PKP3: variants seen among roughly 807,000 people sequenced by gnomAD.
The protein encoded by PKP3 is plakophilin-3.
In PKP3, 66 loss-of-function variants were observed where a neutral mutation model predicts 76.5. The ratio of observed to expected loss-of-function variants is 0.86; its 90% CI spans 0.71 to 1.06. The LOEUF (loss-of-function observed/expected upper bound fraction) is 1.06, where lower values mean the gene tolerates loss of function less well. Ranked by LOEUF, PKP3 falls within the 50% of genes least tolerant of loss-of-function variation. The pLI is 0.00. For missense variants in PKP3, 1,338 were observed against 1,141.0 expected (o/e 1.17, Z -2.49); for synonymous variants, 638 against 516.5 (o/e 1.24, Z -3.19).
At position 397,212 on chromosome 11, in the gene PKP3, T is replaced by C. The variant is rs1847062140; in HGVS notation, c.711T>C (p.Val237=). Residue 237 remains valine, a synonymous_variant, in exon 3 of 13, where the codon GTT becomes GTC. Coordinates refer to ENST00000331563, the MANE Select transcript of PKP3 (RefSeq NM_007183.4). The part of the protein sequence containing the change: ...GGLDWPEATE[V]SPSRTIRAPA... ...TGGACTGGCCCGAGGCCACTGAGGT[T>C]TCCCCGAGCCGGACCATCCGTGCCC... 1 of 1,598,798 alleles carries C rather than the reference T, an allele frequency of 6.3e-7. No homozygotes were observed. The highest frequency in any genetic ancestry group is 1.3e-5 in the African/African-American group (1 of 74,866).
chr11:398,326 C>A (rs1407693731), intron 4 of PKP3, among the ~76,000 whole-genome samples: 2 of 29,236 alleles, frequency 6.8e-5, no homozygotes, highest in Admixed American at 2.7e-4. Flanking sequence ...CACCTCCGTA[C>A]CCCTGCACAC....
At chr11:400,488 G>C (rs1564881001) in intron 7 of PKP3, 37 bp downstream of exon 7, 6 of 1,514,370 alleles carry the variant, frequency 4.0e-6, no homozygotes, top group Admixed American at 4.2e-5. Context: ...CCGTGCCCCC[G>C]GGCCGCCGCT....
chr11:393,819 C>T (rs1034672761), upstream of PKP3, among the ~76,000 whole-genome samples: 1 of 152,194 alleles, frequency 6.6e-6, no homozygotes, highest in South Asian at 2.1e-4. Flanking sequence ...GGGCCCTAGA[C>T]CCCCAGGGAC....
chr11:397,859 C>A, intron 4 of PKP3, 197 bp downstream of exon 4: 1 of 592,528 alleles, frequency 1.7e-6, no homozygotes, highest in Non-Finnish European at 3.0e-6. Flanking sequence ...ACCTGCATCA[C>A]CTCCGTACCC....
Position 403,711 on chromosome 11 carries a change from C to T in PKP3, c.2017C>T (p.Arg673Cys), listed in dbSNP as rs200807624. 9.3e-5 allele frequency: 149 copies of T among 1,610,192 alleles called. 1 individual carries two copies. The East Asian group carries it at 2.6e-3, about 28-fold the overall frequency. The part of the protein sequence containing the change: ...RVRTADHHQL[R>C]SLTGLIRNLS... Reference sequence around the variant, plus strand: ...CAGGACCGCCGACCACCACCAGCTGCGCTCACTGACTGGCCTCATCCGAAA... The same window carrying T: ...CAGGACCGCCGACCACCACCAGCTGTGCTCACTGACTGGCCTCATCCGAAA... The change falls in exon 10 of 13, where the codon CGC becomes TGC. Residue 673 changes from arginine to cysteine, a missense_variant. By Grantham distance (180) the Arg-to-Cys change is radical. Coordinates refer to ENST00000331563, the MANE Select transcript of PKP3 (RefSeq NM_007183.4).
chr11:397,741 C>T (rs1052377908), intron 4 of PKP3, 79 bp downstream of exon 4: 38 of 1,401,890 alleles, frequency 2.7e-5, no homozygotes, highest in Non-Finnish European at 3.4e-5. Flanking sequence ...GTCCTCTGCT[C>T]ACTGAGCACC....
chr11:396,302 G>T, intron 1 of PKP3: 1 of 371,082 alleles, frequency 2.7e-6, no homozygotes. Context: ...GAGAACTGAT[G>T]TCAGAGGCCC....
rs1847059834 is a variant in PKP3 at position 397,107 on chromosome 11, G to A, written c.606G>A (p.Leu202=). 6.3e-7 allele frequency: 1 copy of A among 1,597,962 alleles called. No individual in the cohort carries two copies. Among genetic ancestry groups the A allele is most frequent in the Non-Finnish European group, 8.5e-7 (1 of 1,179,250 alleles). The change falls in exon 3 of 13, where the codon CTG becomes CTA. Residue 202 remains leucine, a synonymous_variant. Transcript: ENST00000331563. The part of the protein sequence containing the change: ...DDRYSLVSEQ[L]EPAATSTYRA... Reference sequence around the variant, plus strand: ...GCTACAGCCTGGTGTCTGAGCAGCTGGAGCCCGCGGCCACCTCCACCTACA... The same window carrying A: ...GCTACAGCCTGGTGTCTGAGCAGCTAGAGCCCGCGGCCACCTCCACCTACA...
At chr11:394,111 C>A (rs1223759774), upstream of PKP3, 3 of 946,334 alleles carry the variant, frequency 3.2e-6, no homozygotes, top group Admixed American at 8.3e-5. Flanking sequence ...GCCCCTCCCT[C>A]CCACCTGGCC....
intron 4 of PKP3, among the ~76,000 whole-genome samples, chr11:398,083 C>G (rs992297862): frequency 2.8e-3 from 164 of 59,114 alleles, no homozygotes; most frequent in Middle Eastern, 0.014. Context: ...GCACACACCT[C>G]CGTCACCTCC....
At chr11:394,837 G>A (rs1471476310) in intron 1 of PKP3, among the ~76,000 whole-genome samples, 1 of 152,208 alleles carries the variant, frequency 6.6e-6, no homozygotes, top group Admixed American at 6.5e-5. Context: ...CACTCGGTCG[G>A]CAAACCCGGA....
At position 394,384 on chromosome 11, in the gene PKP3, G is replaced by C; in HGVS notation, c.92G>C (p.Arg31Pro). Residue 31 changes from arginine (R) to proline (P), a missense_variant, in exon 1 of 13, where the codon CGG becomes CCG. By Grantham distance (103) the Arg-to-Pro change is moderately radical (BLOSUM62 -2). Coordinates refer to ENST00000331563, the MANE Select transcript of PKP3 (RefSeq NM_007183.4). ...CCCTCTGACCTGCAGCTGGACCGCCGGGGCGCCGAGGGGCCGGAGGCCGAG... is the reference window on the plus strand; with the variant it reads ...CCCTCTGACCTGCAGCTGGACCGCCCGGGCGCCGAGGGGCCGGAGGCCGAG... ...ALPSDLQLDRRGAEGPEAERL... is the reference protein window; with the variant it reads ...ALPSDLQLDRPGAEGPEAERL... 1 of 1,490,346 alleles carries C rather than the reference G, an allele frequency of 6.7e-7. No individual in the cohort carries two copies. Among genetic ancestry groups the C allele is most frequent in the Non-Finnish European group, 8.9e-7 (1 of 1,127,976 alleles). 92.3% of individuals were successfully genotyped at this position (1,490,346 alleles called of 1,614,324 possible).
rs1341340983 is a variant in PKP3 at position 404,659 on chromosome 11, A to G, written c.*90A>G. The G allele has an allele frequency of 4.5e-6, 6 of 1,336,750 alleles. No individual in the cohort carries two copies. In the Admixed American group the frequency reaches 7.1e-5, roughly 16 times the overall value. The allele number at this position is 1,336,750 out of a possible 1,614,324, so 82.8% of individuals were successfully genotyped here. ...TGCTTGGCAGCCCAGCCTGGAGGAG[A>G]AGGCTAATGACGGAGGGGCCCCTCG... On this transcript the variant is annotated 3_prime_UTR_variant, in exon 13 of 13. Coordinates refer to ENST00000331563, the MANE Select transcript of PKP3 (RefSeq NM_007183.4). The surrounding 1 kb of genome is among the most constrained non-coding windows in gnomAD (Gnocchi z 4.2).
In PKP3 at chr11:396,837, G is replaced by C; in HGVS notation, c.336G>C (p.Pro112=). The C allele has an allele frequency of 6.3e-7, 1 of 1,596,676 alleles. No individual in the cohort carries two copies. The change falls in exon 3 of 13, where the codon CCG becomes CCC. Residue 112 remains proline (P), a synonymous_variant. Transcript: ENST00000331563. ...AGGGCTTCCGGCCCATCGCCAAGCC[G>C]GCCTACAGCCCAGCCTCCTGGTCCT... is the stretch of plus-strand genomic sequence containing the variant. ...KTSGFRPIAK[P]AYSPASWSSR...
intron 4 of PKP3, 49 bp downstream of exon 4, chr11:397,711 G>A (rs1847074158): frequency 2.5e-6 from 4 of 1,579,952 alleles, no homozygotes; most frequent in Non-Finnish European, 3.4e-6. Flanking sequence ...CCTCCTTCGT[G>A]GGCCCCACCA....
Position 396,625 on chromosome 11 carries a change from T to C in PKP3, c.250T>C (p.Tyr84His). ...ETARGTSRGQYHTLQAGFSSR... is the reference protein window; with the variant it reads ...ETARGTSRGQHHTLQAGFSSR... ...CTCCACAGGCACATCCAGGGGGCAG[T>C]ACCACACCCTGCAGGCTGGCTTCAG... Residue 84 changes from tyrosine to histidine, a missense_variant, in exon 2 of 13, where the codon TAC becomes CAC. Coordinates refer to ENST00000331563, the MANE Select transcript of PKP3 (RefSeq NM_007183.4). The C allele has an allele frequency of 6.2e-7, 1 of 1,609,908 alleles. No individual in the cohort carries two copies. The highest frequency in any genetic ancestry group is 8.5e-7 in the Non-Finnish European group (1 of 1,178,886).
chr11:400,797 G>A (rs865996891), intron 8 of PKP3, 92 bp downstream of exon 8: 32 of 506,078 alleles, frequency 6.3e-5, no homozygotes, highest in Non-Finnish European at 4.9e-5. Flanking sequence ...GCTCACCCCC[G>A]CCCCGCTCAC....
rs1254052856 is a variant in PKP3, at chr11:398,891, C to G, written c.1069-101C>G. On this transcript the variant is annotated intron_variant, in intron 4 of 12. Coordinates refer to ENST00000331563, the MANE Select transcript of PKP3 (RefSeq NM_007183.4). ...TCACCTCCCTATACGGCTGCATCCC[C>G]TGCATATCTACATCTACGCACCTGG... is the stretch of plus-strand genomic sequence containing the variant. The G allele has an allele frequency of 6.4e-6, 6 of 936,096 alleles. No individual in the cohort carries two copies. The East Asian group carries it at 1.2e-4, about 19-fold the overall frequency. The allele number at this position is 936,096 out of a possible 1,614,324, so 58.0% of individuals were successfully genotyped here.
Position 394,302 on chromosome 11 carries a change from G to A in PKP3, c.10G>A (p.Gly4Ser), listed in dbSNP as rs1026755359. ...CGGTGGACCTGCCGCCATGCAGGACGGTAACTTCCTGCTGTCGGCCCTGCA... is the reference window on the plus strand; with the variant it reads ...CGGTGGACCTGCCGCCATGCAGGACAGTAACTTCCTGCTGTCGGCCCTGCA... Reference protein sequence around the residue: MQDGNFLLSALQPE... With the variant: MQDSNFLLSALQPE... The change falls in exon 1 of 13, where the codon GGT (glycine) becomes AGT (serine). Residue 4 changes from glycine (G) to serine (S), a missense_variant. Physicochemically the swap from Gly to Ser is moderately conservative, Grantham distance 56. Coordinates refer to ENST00000331563, the MANE Select transcript of PKP3 (RefSeq NM_007183.4). 1.6e-5 allele frequency: 24 copies of A among 1,513,904 alleles called. No homozygotes were observed. The highest frequency in any genetic ancestry group is 4.1e-4 in the Middle Eastern group (2 of 4,878). 93.8% of individuals were successfully genotyped at this position (1,513,904 alleles called of 1,614,324 possible). A position where few individuals can be genotyped will look rare whatever the true frequency, so the allele number is the denominator to read the frequency against.
Sources: gnomAD v4.1 joint callset for allele counts (sites outside exome capture counted in the v4.1 genomes callset) on GRCh38, gnomAD v4.1.1 for gene constraint, Gnocchi (gnomAD v3.1) non-coding constraint, MANE v1.5 for transcripts, NCBI Gene and HGNC (gene_info 2026-07-23, HGNC 2026-07-21) for gene names.